The following TRPC7 variants were observed in gnomAD, a reference collection of about 807,000 sequenced individuals.
TRPC7 encodes short transient receptor potential channel 7.
A neutral mutation model predicts 90.1 loss-of-function variants in TRPC7; 42 were observed. The observed-to-expected ratio is 0.47, with a 90% CI of 0.36 to 0.60. The LOEUF is 0.60. Among genes scored for constraint, TRPC7 ranks in the 20% least tolerant of loss-of-function variants. TRPC7 has a pLI of 0.00. For synonymous variants in TRPC7, 451 were observed against 436.3 expected, an observed-to-expected ratio of 1.03 and a Z score of -0.42; for missense variants, 955 against 1,112.3, an observed-to-expected ratio of 0.86 and a Z score of 2.01.
At position 136,357,251 on chromosome 5, in the gene TRPC7, C is replaced by T. The variant is rs1357755967; in HGVS notation, c.137G>A (p.Arg46His). ...GCCATACTCAGCCGAGTCCAGGAAGCGCTCCTCCTCGGGCGTCAGACTGGT... is the reference window on the plus strand; with the variant it reads ...GCCATACTCAGCCGAGTCCAGGAAGTGCTCCTCCTCGGGCGTCAGACTGGT... ...KGTSLTPEEERFLDSAEYGNI... is the reference protein window; with the variant it reads ...KGTSLTPEEEHFLDSAEYGNI... The change falls in exon 2 of 12, where the codon CGC becomes CAC. Residue 46 changes from arginine (R) to histidine (H), a missense_variant. Physicochemically the swap from Arg to His is conservative, Grantham distance 29. Around this residue, in one of 4 missense-constraint regions of TRPC7, gnomAD observed 161 missense variants for 145.7 expected, o/e 1.10. Transcript: ENST00000513104. 1 of 1,613,692 alleles carries T rather than the reference C, an allele frequency of 6.2e-7. No individual in the cohort carries two copies.
At chr5:136,318,555 A>G (rs1000523048) in intron 2 of TRPC7, among the ~76,000 whole-genome samples, 4 of 152,106 alleles carry the variant, frequency 2.6e-5, no homozygotes, top group Non-Finnish European at 4.4e-5. Context: ...ACATGACTGC[A>G]TTGTTATTCT....
chr5:136,233,567 C>T (rs1363224646), intron 7 of TRPC7, among the ~76,000 whole-genome samples: 1 of 152,218 alleles, frequency 6.6e-6, no homozygotes, highest in African/African-American at 2.4e-5. Context: ...CTTAGAGTTG[C>T]TCCCTTCCTG....
Position 136,247,614 on chromosome 5 carries a change from G to T in TRPC7, c.1701C>A (p.Pro567=). The change falls in exon 7 of 12, where the codon CCC becomes CCA. Residue 567 remains proline, a synonymous_variant. Coordinates refer to ENST00000513104, the MANE Select transcript of TRPC7 (RefSeq NM_020389.3). The surrounding 1 kb of genome is among the most constrained non-coding windows in gnomAD (Gnocchi z 4.2). The part of the protein sequence containing the change: ...YILPANESFG[P]LQISLGRTVK... ...CAGTTCTCCCTAGCGAGATCTGCAG[G>T]GGCCCAAAACTCTCGTTGGCTGGCA... 1 of 1,614,002 alleles carries T rather than the reference G, an allele frequency of 6.2e-7. No individual in the cohort carries two copies. The highest frequency in any genetic ancestry group is 2.2e-5 in the East Asian group (1 of 44,884).
At chr5:136,342,026 T>A (rs1359259148) in intron 2 of TRPC7, among the ~76,000 whole-genome samples, 3 of 151,628 alleles carry the variant, frequency 2.0e-5, no homozygotes, top group African/African-American at 7.3e-5. Context: ...CCCTTACCAA[T>A]TTTTTTTTAG....
At chr5:136,338,806 T>C (rs1759749658) in intron 2 of TRPC7, among the ~76,000 whole-genome samples, 1 of 152,162 alleles carries the variant, frequency 6.6e-6, no homozygotes, top group Admixed American at 6.5e-5. Flanking sequence ...AATGGCATTT[T>C]CCAGCTTCTT....
intron 7 of TRPC7, among the ~76,000 whole-genome samples, chr5:136,241,001 G>T (rs1756145986): frequency 6.6e-6 from 1 of 152,180 alleles, no homozygotes; most frequent in Middle Eastern, 3.4e-3. Context: ...GTGGCAGGTG[G>T]GGGTGTGTGG....
Position 136,247,743 on chromosome 5 carries a change from A to G in TRPC7, c.1580-8T>C, listed in dbSNP as rs1185282777. The G allele has an allele frequency of 1.9e-6, 3 of 1,609,928 alleles. No individual in the cohort carries two copies. Among genetic ancestry groups the G allele is most frequent in the South Asian group, 2.2e-5 (2 of 90,730 alleles). Reference sequence around the variant, plus strand: ...GCCACCACTTGTCCCTGGCTAAAAGAAAACAATCTGGGTTACTCACGAGGC... The same window carrying G: ...GCCACCACTTGTCCCTGGCTAAAAGGAAACAATCTGGGTTACTCACGAGGC... On this transcript the variant is annotated splice_polypyrimidine_tract_variant and splice_region_variant and intron_variant, in intron 6 of 11. Transcript: ENST00000513104. The surrounding 1 kb of genome is among the most constrained non-coding windows in gnomAD (Gnocchi z 4.2).
chr5:136,231,085 C>A (rs1279346932), intron 8 of TRPC7, among the ~76,000 whole-genome samples: 1 of 152,140 alleles, frequency 6.6e-6, no homozygotes, highest in Non-Finnish European at 1.5e-5. Flanking sequence ...GCACGAGGTC[C>A]TGAGAAGACA....
Position 136,213,239 on chromosome 5 carries a change from T to C in TRPC7, c.*196A>G, listed in dbSNP as rs1332722455. On this transcript the variant is annotated 3_prime_UTR_variant, in exon 12 of 12. Coordinates refer to ENST00000513104, the MANE Select transcript of TRPC7 (RefSeq NM_020389.3). ...TGGTAGCTTTTCTTACCCAACCACC[T>C]AGATTCACAGCAGTTCTGGGTCTAG... 1.7e-6 allele frequency: 1 copy of C among 601,582 alleles called. No homozygotes were observed. The highest frequency in any genetic ancestry group is 1.9e-5 in the African/African-American group (1 of 53,806). The allele number at this position is 601,582 out of a possible 1,614,324, so 37.3% of individuals were successfully genotyped here.
rs748093002 is a variant in TRPC7, at chr5:136,251,680, C to A, written c.1548G>T (p.Ser516=). ...HVQDDTLHNV[S]LPPEVAYFTY... Reference sequence around the variant, plus strand: ...TGAAGTATGCCACTTCCGGCGGAAGCGAGACATTGTGCAGCGTGTCGTCCT... The same window carrying A: ...TGAAGTATGCCACTTCCGGCGGAAGAGAGACATTGTGCAGCGTGTCGTCCT... The change falls in exon 6 of 12, where the codon TCG becomes TCT. Residue 516 remains serine (S), a synonymous_variant. Coordinates refer to ENST00000513104, the MANE Select transcript of TRPC7 (RefSeq NM_020389.3). 1.2e-6 allele frequency: 2 copies of A among 1,610,508 alleles called. No individual in the cohort carries two copies. Among genetic ancestry groups the A allele is most frequent in the Non-Finnish European group, 1.7e-6 (2 of 1,177,202 alleles).
intron 3 of TRPC7, among the ~76,000 whole-genome samples, chr5:136,309,018 C>T (rs369376119): frequency 6.6e-6 from 1 of 152,178 alleles, no homozygotes; most frequent in Non-Finnish European, 1.5e-5. Flanking sequence ...AGGCAAGGGA[C>T]TTCTGATAGA....
At chr5:136,275,110 T>C (rs17170010) in intron 3 of TRPC7, among the ~76,000 whole-genome samples, 2,604 of 152,212 alleles carry the variant, frequency 0.017, 69 homozygotes, top group African/African-American at 0.06. Context: ...GCACAGAAAA[T>C]GGAAGTCAGC....
chr5:136,325,581 G>T (rs1007304538), intron 2 of TRPC7, among the ~76,000 whole-genome samples: 6 of 152,276 alleles, frequency 3.9e-5, no homozygotes, highest in Middle Eastern at 3.4e-3. Flanking sequence ...TAGTTCAGAA[G>T]CATATATGAG....
intron 3 of TRPC7, among the ~76,000 whole-genome samples, chr5:136,311,855 T>G (rs1397298534): frequency 6.6e-6 from 1 of 152,220 alleles, no homozygotes; most frequent in Non-Finnish European, 1.5e-5. Flanking sequence ...GTAAGAGAAA[T>G]GTCCTAAAGT....
chr5:136,217,419 G>A (rs1755304182), intron 10 of TRPC7, among the ~76,000 whole-genome samples: 1 of 152,206 alleles, frequency 6.6e-6, no homozygotes, highest in Admixed American at 6.5e-5. Flanking sequence ...GCTTGCCACA[G>A]AGATGCTTCC....
intron 2 of TRPC7, among the ~76,000 whole-genome samples, chr5:136,329,857 T>C (rs1759446823): frequency 6.6e-6 from 1 of 152,194 alleles, no homozygotes; most frequent in Non-Finnish European, 1.5e-5. Context: ...TTTCTGCTTT[T>C]CCTGCTGGTT....
At chr5:136,359,506 G>A (rs1251977607) in intron 1 of TRPC7, among the ~76,000 whole-genome samples, 2 of 152,116 alleles carry the variant, frequency 1.3e-5, no homozygotes, top group South Asian at 4.2e-4. Context: ...AAATTCATGA[G>A]ATCCTTCTGA....
chr5:136,341,502 A>C (rs1010180433), intron 2 of TRPC7, among the ~76,000 whole-genome samples: 1 of 152,006 alleles, frequency 6.6e-6, no homozygotes, highest in African/African-American at 2.4e-5. Flanking sequence ...CCTATGTATA[A>C]ATAAAAGATT....
intron 5 of TRPC7, among the ~76,000 whole-genome samples, chr5:136,258,538 G>A (rs956484805): frequency 1.3e-5 from 2 of 152,178 alleles, no homozygotes; most frequent in African/African-American, 4.8e-5. Flanking sequence ...AGGGATGCCT[G>A]GAGCCTAGAG....
Sources: gnomAD v4.1 joint callset for allele counts (sites outside exome capture counted in the v4.1 genomes callset) on GRCh38, gnomAD v4.1.1 for gene constraint, gnomAD v4.1.1 regional missense constraint, Gnocchi (gnomAD v3.1) non-coding constraint, MANE v1.5 for transcripts, NCBI Gene and HGNC (gene_info 2026-07-23, HGNC 2026-07-21) for gene names.